The following COL20A1 variants were observed in gnomAD, a reference collection of about 807,000 sequenced individuals.
The protein encoded by COL20A1 is collagen type XX alpha 1 chain.
A neutral mutation model predicts 152.9 loss-of-function variants in COL20A1; 164 were observed. That is an observed-to-expected ratio of 1.07 (90% CI 0.94 to 1.22). COL20A1 has a LOEUF of 1.22. Among genes scored for constraint, COL20A1 ranks in the 50% most tolerant of loss-of-function variants. The probability of loss-of-function intolerance (pLI) is 0.00; values close to 1 mark genes in which losing one functional copy is unlikely to be tolerated. For synonymous variants in COL20A1, 864 were observed against 756.0 expected (o/e 1.14, Z -2.34); for missense variants, 1,873 against 1,744.8 (o/e 1.07, Z -1.31).
rs375157219 is a variant in COL20A1 at position 63,311,495 on chromosome 20, C to T, written c.1495C>T (p.Arg499Ter). 1.2e-4 allele frequency: 187 copies of T among 1,581,980 alleles called. No individual in the cohort carries two copies. Among genetic ancestry groups the T allele is most frequent in the Non-Finnish European group, 1.5e-4 (172 of 1,164,596 alleles). Residue 499 changes from arginine to a stop codon, truncating the protein, a stop_gained, in exon 12 of 36, where the codon CGA becomes TGA. Coordinates refer to ENST00000358894, the MANE Select transcript of COL20A1 (RefSeq NM_020882.4). LOFTEE classifies it high-confidence loss of function. This position sits in a 1 kb window ranked among gnomAD's most constrained non-coding sequence, Gnocchi z 4.4. ...PSAGATHYLVRCSPASPKGEE... is the reference protein window; with the variant it reads ...PSAGATHYLV The stretch of plus-strand genomic sequence containing the variant: ...GGCCGGGGCCACCCACTACCTGGTG[C>T]GATGTTCTCCTGCTTCCCCCAAGGG...
At chr20:63,315,107 G>A (rs1219612148) in intron 19 of COL20A1, among the ~76,000 whole-genome samples, 1 of 152,242 alleles carries the variant, frequency 6.6e-6, no homozygotes. Flanking sequence ...TACCCTCGAA[G>A]GGTATCACAC....
intron 3 of COL20A1, among the ~76,000 whole-genome samples, chr20:63,300,051 G>T (rs1242998777): frequency 6.6e-6 from 1 of 152,018 alleles, no homozygotes; most frequent in Non-Finnish European, 1.5e-5. Context: ...AAAGCACTGG[G>T]ATTACAGGGG....
intron 8 of COL20A1, 37 bp from the exon 9 acceptor site, chr20:63,309,296 C>T: frequency 7.1e-7 from 1 of 1,409,084 alleles, no homozygotes; most frequent in South Asian, 1.7e-5. Context: ...CGGGTGACCC[C>T]AGTGCAGGCC....
chr20:63,325,356 G>A lies in COL20A1; in HGVS notation c.3295-85G>A, dbSNP rs1441954467. The A allele has an allele frequency of 3.9e-6, 4 of 1,037,418 alleles. No homozygotes were observed. In the African/African-American group the frequency reaches 6.2e-5, roughly 16 times the overall value. The allele number at this position is 1,037,418 out of a possible 1,614,324, so 64.3% of individuals were successfully genotyped here. A position where few individuals can be genotyped will look rare whatever the true frequency, so the allele number is the denominator to read the frequency against. ...GGGGACCCAGGGCCGTGCAGTCCAG[G>A]GGCCTGTGGTAGGTGTCACTCCTTC... On this transcript the variant is annotated intron_variant, in intron 27 of 35. Coordinates refer to ENST00000358894, the MANE Select transcript of COL20A1 (RefSeq NM_020882.4).
intron 19 of COL20A1, among the ~76,000 whole-genome samples, chr20:63,314,720 G>A (rs2068061621): frequency 6.6e-6 from 1 of 152,090 alleles, no homozygotes; most frequent in Admixed American, 6.5e-5. Context: ...AGGGTTCCGA[G>A]CACCTGCCAT....
chr20:63,329,587 G>A lies in COL20A1; in HGVS notation c.3784G>A (p.Glu1262Lys). The A allele has an allele frequency of 6.2e-7, 1 of 1,609,228 alleles. No individual in the cohort carries two copies. The highest frequency in any genetic ancestry group is 8.5e-7 in the Non-Finnish European group (1 of 1,179,118). Residue 1262 changes from glutamate to lysine, a missense_variant and splice_region_variant, in exon 35 of 36, where the codon GAG becomes AAG. Physicochemically the swap from Glu to Lys is moderately conservative, Grantham distance 56 (BLOSUM62 1). Transcript: ENST00000358894. Reference sequence around the variant, plus strand: ...ACATGCCCTCCCTTTCCTCGCAGGGGAGCCTGGAGCTGTTGGTCAGATGGG... The same window carrying A: ...ACATGCCCTCCCTTTCCTCGCAGGGAAGCCTGGAGCTGTTGGTCAGATGGG... ...RGGRHLEGRG[E>K]PGAVGQMGSP... is the part of the protein sequence containing the mutation.
At chr20:63,300,074 C>T (rs1052660494) in intron 3 of COL20A1, among the ~76,000 whole-genome samples, 1 of 152,114 alleles carries the variant, frequency 6.6e-6, no homozygotes, top group Non-Finnish European at 1.5e-5. Context: ...AGCCACTGTA[C>T]CTGGCCTATC....
chr20:63,302,546 C>G (rs1364544136), intron 3 of COL20A1, among the ~76,000 whole-genome samples: 1 of 152,184 alleles, frequency 6.6e-6, no homozygotes, highest in Non-Finnish European at 1.5e-5. Context: ...GTCTCGAACT[C>G]CTGACCTCAG....
In COL20A1 at chr20:63,323,913, C is replaced by A. The variant is rs528644079; in HGVS notation, c.3295-1528C>A. Among the ~76,000 whole-genome samples, 23 of 152,330 alleles carry A rather than the reference C, an allele frequency of 1.5e-4. No homozygotes were observed. The South Asian group carries it at 3.7e-3, about 25-fold the overall frequency. On this transcript the variant is annotated intron_variant, in intron 27 of 35. Transcript: ENST00000358894. ...AATTCAGTTGGTGTTTTTACTGGAA[C>A]TGCATTCGCTTTATAGATATACTCG...
Position 63,320,027 on chromosome 20 carries a change from G to A in COL20A1, c.2917-12G>A. ...GCCTGGGCTGTGGAGAACCTCCCGTGCCGTCTCACAGGTGCACGTGGCTGT... is the reference window on the plus strand; with the variant it reads ...GCCTGGGCTGTGGAGAACCTCCCGTACCGTCTCACAGGTGCACGTGGCTGT... On this transcript the variant is annotated splice_polypyrimidine_tract_variant and intron_variant, in intron 23 of 35. Coordinates refer to ENST00000358894, the MANE Select transcript of COL20A1 (RefSeq NM_020882.4). The A allele has an allele frequency of 6.4e-7, 1 of 1,551,194 alleles. No homozygotes were observed. Among genetic ancestry groups the A allele is most frequent in the Non-Finnish European group, 8.7e-7 (1 of 1,148,078 alleles).
Position 63,313,095 on chromosome 20 carries a change from C to T in COL20A1, c.2077-22C>T. The stretch of plus-strand genomic sequence containing the variant: ...GAGGACCCCACTGCACCCGGTGACC[C>T]CTGGGGCTCTCCTCTCCCTAGATCT... On this transcript the variant is annotated intron_variant, in intron 16 of 35. Coordinates refer to ENST00000358894, the MANE Select transcript of COL20A1 (RefSeq NM_020882.4). This position sits in a 1 kb window ranked among gnomAD's most constrained non-coding sequence, Gnocchi z 5.9. 6.3e-7 allele frequency: 1 copy of T among 1,597,930 alleles called. No homozygotes were observed. The highest frequency in any genetic ancestry group is 1.3e-5 in the African/African-American group (1 of 74,578).
intron 3 of COL20A1, among the ~76,000 whole-genome samples, chr20:63,302,913 G>A (rs1393971402): frequency 6.6e-6 from 1 of 152,138 alleles, no homozygotes; most frequent in Non-Finnish European, 1.5e-5. Context: ...ACTCAAGTTT[G>A]ATTATATTTG....
intron 6 of COL20A1, 56 bp downstream of exon 6, chr20:63,307,704 T>C: frequency 6.4e-7 from 1 of 1,563,922 alleles, no homozygotes; most frequent in Non-Finnish European, 8.7e-7. Context: ...CCCACAGCTC[T>C]GCCAGAGGAG....
Position 63,313,065 on chromosome 20 carries a change from A to T in COL20A1, c.2077-52A>T. ...GGGATGCCTCACTGCCCGGCCCCCC[A>T]ACCTGAGGACCCCACTGCACCCGGT... On this transcript the variant is annotated intron_variant, in intron 16 of 35. Transcript: ENST00000358894. This position sits in a 1 kb window ranked among gnomAD's most constrained non-coding sequence, Gnocchi z 5.9. The T allele has an allele frequency of 6.3e-7, 1 of 1,575,400 alleles. No homozygotes were observed. Among genetic ancestry groups the T allele is most frequent in the Non-Finnish European group, 8.6e-7 (1 of 1,160,740 alleles).
At chr20:63,293,878 C>T (rs1452124170) in intron 1 of COL20A1, among the ~76,000 whole-genome samples, 18 of 32,020 alleles carry the variant, frequency 5.6e-4, no homozygotes, top group East Asian at 3.0e-3. Context: ...TGGGAGGGGG[C>T]GTGTATTGGG....
At chr20:63,316,478 C>A (rs3746380) in intron 20 of COL20A1, 75 bp from the exon 21 acceptor site, 1 of 1,336,212 alleles carries the variant, frequency 7.5e-7, no homozygotes, top group Non-Finnish European at 1.0e-6. Flanking sequence ...CTTGAGTCCC[C>A]GCTCCTGCCC....
At chr20:63,326,274 C>T (rs1393468426) in intron 30 of COL20A1, 125 bp downstream of exon 30, 5 of 740,364 alleles carry the variant, frequency 6.8e-6, no homozygotes, top group Non-Finnish European at 9.3e-6. Flanking sequence ...CTGGGAGGGC[C>T]TCACTTCTGC....
rs1414706270 is a variant in COL20A1 at position 63,325,621 on chromosome 20, G to A, written c.3349-47G>A. Reference sequence around the variant, plus strand: ...GGCCTCACAGGCAGGGCCACCTCTGGATGTGACCCTGGCCCCTGCCTGGCC... The same window carrying A: ...GGCCTCACAGGCAGGGCCACCTCTGAATGTGACCCTGGCCCCTGCCTGGCC... On this transcript the variant is annotated intron_variant, in intron 28 of 35. Coordinates refer to ENST00000358894, the MANE Select transcript of COL20A1 (RefSeq NM_020882.4). 4 of 1,587,050 alleles carry A rather than the reference G, an allele frequency of 2.5e-6. No homozygotes were observed. In the African/African-American group the frequency reaches 4.0e-5, roughly 16 times the overall value.
chr20:63,307,822 C>T, intron 6 of COL20A1, 149 bp from the exon 7 acceptor site: 5 of 1,176,778 alleles, frequency 4.2e-6, no homozygotes, highest in Non-Finnish European at 6.0e-6. Context: ...GAGGCCCTGG[C>T]TCTGCAAGCG....
Sources: gnomAD v4.1 joint callset for allele counts (sites outside exome capture counted in the v4.1 genomes callset) on GRCh38, gnomAD v4.1.1 for gene constraint, Gnocchi (gnomAD v3.1) non-coding constraint, MANE v1.5 for transcripts, NCBI Gene and HGNC (gene_info 2026-07-23, HGNC 2026-07-21) for gene names.